ADGRV1: variants seen among roughly 807,000 people sequenced by gnomAD.
ADGRV1 encodes G-protein coupled receptor 98.
Under a neutral mutation model 596.2 loss-of-function variants are expected in ADGRV1, and 359 were observed. The ratio of observed to expected loss-of-function variants is 0.60; its 90% confidence interval spans 0.55 to 0.66. The LOEUF is 0.66. Among genes scored for constraint, ADGRV1 ranks in the 30% least tolerant of loss-of-function variants. ADGRV1 has a pLI of 0.00. For synonymous variants in ADGRV1, 2,681 were observed against 2,679.2 expected (o/e 1.00, Z -0.02); for missense variants, 7,274 against 7,575.6 (o/e 0.96, Z 1.48).
chr5:90,610,134 G>T (rs188519611), intron 1 of ADGRV1, among the ~76,000 whole-genome samples: 2 of 151,900 alleles, frequency 1.3e-5, no homozygotes, highest in East Asian at 3.9e-4. Flanking sequence ...CATTTCCTAA[G>T]GTGCCCATCA....
intron 4 of ADGRV1, among the ~76,000 whole-genome samples, chr5:90,620,049 C>G (rs1419542679): frequency 4.0e-5 from 6 of 151,680 alleles, no homozygotes; most frequent in Non-Finnish European, 7.4e-5. Flanking sequence ...TGAATAGTGC[C>G]GCAATAAAAA....
At chr5:90,828,722 G>A (rs556175154) in intron 76 of ADGRV1, among the ~76,000 whole-genome samples, 1 of 152,100 alleles carries the variant, frequency 6.6e-6, no homozygotes, top group South Asian at 2.1e-4. Flanking sequence ...CTAGTAAGAA[G>A]CTCGCCCAGA....
At position 90,840,724 on chromosome 5, in the gene ADGRV1, A is replaced by T. The variant is rs1765351134; in HGVS notation, c.16758A>T (p.Gly5586=). The change falls in exon 78 of 90, where the codon GGA becomes GGT. Residue 5586 remains glycine (G), a synonymous_variant. Coordinates refer to ENST00000405460, the MANE Select transcript of ADGRV1 (RefSeq NM_032119.4). ...ATGTCATCCTAACGCCAGAGACAGG[A>T]TCTTTAAATTCATTTCCTAAACGCT... ...VLDVILTPET[G]SLNSFPKRFQ... 1.2e-6 allele frequency: 2 copies of T among 1,614,038 alleles called. No individual in the cohort carries two copies. The highest frequency in any genetic ancestry group is 2.2e-5 in the South Asian group (2 of 91,080).
chr5:91,056,901 T>C (rs1339502005), intron 85 of ADGRV1, among the ~76,000 whole-genome samples: 2 of 152,204 alleles, frequency 1.3e-5, no homozygotes, highest in East Asian at 3.8e-4. Context: ...TAACATAATC[T>C]CCATAGTCTA....
intron 78 of ADGRV1, among the ~76,000 whole-genome samples, chr5:90,844,594 A>AC (rs1765702014): frequency 6.6e-6 from 1 of 152,210 alleles, no homozygotes; most frequent in Non-Finnish European, 1.5e-5. Context: ...AGCAGTCTAA[A>AC]ACCCCCCTGA....
At chr5:90,971,763 A>C (rs80350502) in intron 84 of ADGRV1, among the ~76,000 whole-genome samples, 4 of 152,356 alleles carry the variant, frequency 2.6e-5, no homozygotes, top group African/African-American at 9.6e-5. Context: ...AATTGTAAAG[A>C]CCATCGATGC....
At chr5:91,023,228 A>G (rs1260209317) in intron 85 of ADGRV1, among the ~76,000 whole-genome samples, 1 of 152,166 alleles carries the variant, frequency 6.6e-6, no homozygotes, top group Non-Finnish European at 1.5e-5. Flanking sequence ...TTGTGATTCA[A>G]AACACCATAA....
intron 20 of ADGRV1, chr5:90,655,963 CTTT>C (rs942799402): frequency 7.9e-5 from 12 of 152,066 alleles, no homozygotes; most frequent in African/African-American, 2.9e-4. Flanking sequence ...AATTTTTCTT[CTTT>C]ATTGTCAAAA....
intron 83 of ADGRV1, among the ~76,000 whole-genome samples, chr5:90,910,614 C>T (rs1005399595): frequency 4.3e-4 from 64 of 150,396 alleles, no homozygotes; most frequent in African/African-American, 1.4e-3. Flanking sequence ...CACCCGCACA[C>T]ACCTGTATGT....
At chr5:91,085,957 A>G (rs1375346761) in intron 86 of ADGRV1, among the ~76,000 whole-genome samples, 1 of 152,030 alleles carries the variant, frequency 6.6e-6, no homozygotes, top group Non-Finnish European at 1.5e-5. Context: ...TCTTTCTTTC[A>G]TCACTCATAA....
chr5:90,796,655 A>T (rs112136186), intron 70 of ADGRV1, among the ~76,000 whole-genome samples: 17 of 152,186 alleles, frequency 1.1e-4, no homozygotes, highest in Admixed American at 3.9e-4. Flanking sequence ...AAGAGCAACC[A>T]TAAGACACAT....
chr5:90,759,881 C>G (rs1458735442), intron 58 of ADGRV1: 1 of 322,844 alleles, frequency 3.1e-6, no homozygotes, highest in Non-Finnish European at 5.9e-6. Flanking sequence ...AGGAGACTCG[C>G]TTGAACCCAG....
At position 90,728,748 on chromosome 5, in the gene ADGRV1, A is replaced by T. The variant is rs756094849; in HGVS notation, c.10241A>T (p.Asn3414Ile). 9 of 1,613,920 alleles carry T rather than the reference A, an allele frequency of 5.6e-6. No homozygotes were observed. The highest frequency in any genetic ancestry group is 7.6e-6 in the Non-Finnish European group (9 of 1,179,828). The change falls in exon 49 of 90, where the codon AAC becomes ATC. Residue 3414 changes from asparagine (N) to isoleucine (I), a missense_variant. Asn to Ile is a moderately radical substitution (Grantham distance 149). Coordinates refer to ENST00000405460, the MANE Select transcript of ADGRV1 (RefSeq NM_032119.4). ...GGTGTGCTGACCGTGGCCTTGTTCA[A>T]CAAGGGAGGCTCTGTGTTCTTAGCC... ...VRGVLTVALF[N>I]KGGSVFLAIS...
At chr5:90,609,116 A>G (rs1309852854) in intron 1 of ADGRV1, among the ~76,000 whole-genome samples, 1 of 152,060 alleles carries the variant, frequency 6.6e-6, no homozygotes, top group African/African-American at 2.4e-5. Context: ...CTGTAGGAAT[A>G]CATATATTTC....
intron 85 of ADGRV1, among the ~76,000 whole-genome samples, chr5:91,039,451 T>C (rs1286412518): frequency 1.3e-5 from 2 of 152,344 alleles, no homozygotes; most frequent in East Asian, 3.9e-4. Flanking sequence ...GTTTGAGTCA[T>C]GTATTCACCT....
chr5:91,050,557 T>G (rs895382227), intron 85 of ADGRV1, among the ~76,000 whole-genome samples: 1 of 152,164 alleles, frequency 6.6e-6, no homozygotes, highest in Non-Finnish European at 1.5e-5. Flanking sequence ...CAGTTTTTTG[T>G]TTTTTAAAAA....
chr5:90,722,887 T>C (rs972486551), intron 45 of ADGRV1, among the ~76,000 whole-genome samples: 2 of 151,850 alleles, frequency 1.3e-5, no homozygotes, highest in Non-Finnish European at 2.9e-5. Flanking sequence ...TAGACTGAAC[T>C]ATAAGAAGGT....
rs149365475 is a variant in ADGRV1, at chr5:90,597,605, G to A, written c.23-17230G>A. The stretch of plus-strand genomic sequence containing the variant: ...TTGCTCAGAGGACAGGGTTAAATCT[G>A]ATATTGAAGGGAAGGAGGGAGTTGA... On this transcript the variant is annotated intron_variant, in intron 1 of 89. Transcript: ENST00000405460. Among the ~76,000 whole-genome samples, 801 of 152,268 alleles carry A rather than the reference G, an allele frequency of 5.3e-3. 8 individuals are homozygous for A. The highest frequency in any genetic ancestry group is 0.019 in the African/African-American group (775 of 41,536).
At chr5:91,087,690 T>A (rs915750010) in intron 86 of ADGRV1, among the ~76,000 whole-genome samples, 1 of 152,232 alleles carries the variant, frequency 6.6e-6, no homozygotes, top group Non-Finnish European at 1.5e-5. Context: ...AGCCAAAGTT[T>A]ATCTGGAACT....
Sources: gnomAD v4.1 joint callset for allele counts (sites outside exome capture counted in the v4.1 genomes callset) on GRCh38, gnomAD v4.1.1 for gene constraint, MANE v1.5 for transcripts, NCBI Gene and HGNC (gene_info 2026-07-23, HGNC 2026-07-21) for gene names.